Variants in WEE2 observed in about 807,000 individuals in gnomAD.
WEE2 encodes the protein WEE2 oocyte meiosis inhibiting kinase, also known as wee1-like protein kinase 2.
WEE2 carries 50 observed loss-of-function variants against 60.1 expected under a neutral mutation model. That is an observed-to-expected ratio of 0.83 (90% confidence interval 0.66 to 1.05). WEE2 has a LOEUF of 1.05. Among genes scored for constraint, WEE2 ranks in the 50% least tolerant of loss-of-function variants. The probability of loss-of-function intolerance (pLI) is 0.00; values close to 1 mark genes in which losing one functional copy is unlikely to be tolerated. For synonymous variants in WEE2, 240 were observed against 241.0 expected (o/e 1.00, Z 0.04); for missense variants, 631 against 684.3 (o/e 0.92, Z 0.87).
intron 10 of WEE2, 49 bp downstream of exon 10, chr7:141,727,495 A>G: frequency 6.2e-7 from 1 of 1,604,644 alleles, no homozygotes; most frequent in Non-Finnish European, 8.5e-7. Context: ...AGCACTACTC[A>G]CAATGGTATG....
At chr7:141,729,925 T>C (rs1799105607) in intron 11 of WEE2, among the ~76,000 whole-genome samples, 1 of 150,538 alleles carries the variant, frequency 6.6e-6, no homozygotes, top group Non-Finnish European at 1.5e-5. Flanking sequence ...GAGGTGGAGC[T>C]TGCAGTGAGC....
chr7:141,721,579 C>A (rs1184590587), intron 5 of WEE2, among the ~76,000 whole-genome samples: 1 of 152,102 alleles, frequency 6.6e-6, no homozygotes, highest in Admixed American at 6.5e-5. Context: ...CTGCCTCAGT[C>A]TCCCAAGTAG....
chr7:141,708,753 G>A lies in WEE2; in HGVS notation c.-6G>A. ...TTTGTCTGTGTTGTAAAGCTCTTTG[G>A]CTGAGATGGATGACAAAGATATTGA... On this transcript the variant is annotated 5_prime_UTR_variant, in exon 1 of 12. Transcript: ENST00000397541. 1 of 1,610,284 alleles carries A rather than the reference G, an allele frequency of 6.2e-7. No individual in the cohort carries two copies. The highest frequency in any genetic ancestry group is 2.2e-5 in the East Asian group (1 of 44,880).
In WEE2 at chr7:141,714,195, T is replaced by C. The variant is rs762934536; in HGVS notation, c.343-14T>C. 12 of 1,589,058 alleles carry C rather than the reference T, an allele frequency of 7.6e-6. No individual in the cohort carries two copies. Among genetic ancestry groups the C allele is most frequent in the Non-Finnish European group, 1.0e-5 (12 of 1,172,030 alleles). ...TAATGCTATTATGACTTGCCTTTTG[T>C]CATCCTCATTCAGACCATGCTGAGC... On this transcript the variant is annotated splice_polypyrimidine_tract_variant and intron_variant, in intron 1 of 11. Transcript: ENST00000397541.
Position 141,722,718 on chromosome 7 carries a change from C to T in WEE2, c.881-416C>T, listed in dbSNP as rs564852415. ...ATCATTGACACCAATAGTAGCTATACGACTATGCCTGATTGATCTTCTAGT... is the reference window on the plus strand; with the variant it reads ...ATCATTGACACCAATAGTAGCTATATGACTATGCCTGATTGATCTTCTAGT... On this transcript the variant is annotated intron_variant, in intron 5 of 11. Coordinates refer to ENST00000397541, the MANE Select transcript of WEE2 (RefSeq NM_001105558.1). 7.2e-5 allele frequency among the ~76,000 whole-genome samples: 11 copies of T among 152,274 alleles called. No homozygotes were observed. The East Asian group carries it at 9.7e-4, about 13-fold the overall frequency.
At position 141,708,727 on chromosome 7, in the gene WEE2, T is replaced by G. The variant is rs771638429; in HGVS notation, c.-32T>G. The G allele has an allele frequency of 6.3e-7, 1 of 1,580,098 alleles. No homozygotes were observed. Among genetic ancestry groups the G allele is most frequent in the Non-Finnish European group, 8.6e-7 (1 of 1,157,804 alleles). ...CACAGCGTTCCCTTCTGATAGAGCT[T>G]TTTGTCTGTGTTGTAAAGCTCTTTG... On this transcript the variant is annotated 5_prime_UTR_variant, in exon 1 of 12. Coordinates refer to ENST00000397541, the MANE Select transcript of WEE2 (RefSeq NM_001105558.1).
intron 4 of WEE2, among the ~76,000 whole-genome samples, 155 bp downstream of exon 4, chr7:141,719,399 T>C (rs1440803368): frequency 6.6e-6 from 1 of 152,260 alleles, no homozygotes; most frequent in African/African-American, 2.4e-5. Context: ...ATAACCTTTC[T>C]GAGTTTTCCA....
intron 5 of WEE2, 141 bp downstream of exon 5, chr7:141,721,197 G>C: frequency 1.0e-6 from 1 of 964,462 alleles, no homozygotes; most frequent in East Asian, 2.6e-5. Flanking sequence ...TTATAGTCTT[G>C]CTTGGAAGCA....
intron 10 of WEE2, chr7:141,728,077 G>A (rs1202265768): frequency 1.3e-5 from 2 of 152,190 alleles, no homozygotes; most frequent in Non-Finnish European, 2.9e-5. Flanking sequence ...TGACCCCTGT[G>A]ATATTCCCAA....
At chr7:141,729,913 G>C (rs1332463771) in intron 11 of WEE2, among the ~76,000 whole-genome samples, 3 of 151,384 alleles carry the variant, frequency 2.0e-5, no homozygotes, top group Non-Finnish European at 1.5e-5. Context: ...GCTTGAACCC[G>C]GGAGGTGGAG....
chr7:141,727,737 C>A, intron 10 of WEE2: 1 of 345,242 alleles, frequency 2.9e-6, no homozygotes. Context: ...TTCTAAGTGA[C>A]AGCAGGTATC....
Position 141,727,318 on chromosome 7 carries a change from T to C in WEE2, c.1407T>C (p.Pro469=), listed in dbSNP as rs1350380043. The change falls in exon 10 of 12, where the codon CCT becomes CCC. Residue 469 remains proline (P), a synonymous_variant. Coordinates refer to ENST00000397541, the MANE Select transcript of WEE2 (RefSeq NM_001105558.1). ...FSSLLKNMIQ[P]DAEQRPSAAA... Reference sequence around the variant, plus strand: ...TATATCATCAGAACATGATCCAACCTGATGCCGAACAGAGACCTTCTGCAG... The same window carrying C: ...TATATCATCAGAACATGATCCAACCCGATGCCGAACAGAGACCTTCTGCAG... The C allele has an allele frequency of 6.2e-7, 1 of 1,613,988 alleles. No homozygotes were observed. The highest frequency in any genetic ancestry group is 8.5e-7 in the Non-Finnish European group (1 of 1,179,998).
rs1798658285 is a variant in WEE2, at chr7:141,708,643, A to G, written c.-116A>G. The stretch of plus-strand genomic sequence containing the variant: ...GCTGTTAGTTGGTAGAGGGAAATTC[A>G]GGCTACCGTCGCGAAACCTGCAGGT... On this transcript the variant is annotated 5_prime_UTR_variant, in exon 1 of 12. Transcript: ENST00000397541. The G allele has an allele frequency of 3.6e-6, 3 of 838,446 alleles. No homozygotes were observed. Among genetic ancestry groups the G allele is most frequent in the Non-Finnish European group, 3.8e-6 (2 of 526,776 alleles). The allele number at this position is 838,446 out of a possible 1,614,324, so 51.9% of individuals were successfully genotyped here. A position where few individuals can be genotyped will look rare whatever the true frequency, so the allele number is the denominator to read the frequency against.
Position 141,727,574 on chromosome 7 carries a change from T to C in WEE2, c.1535+128T>C, listed in dbSNP as rs1181996382. ...TTCACCATTATAATACATAGGTCCC[T>C]GCCCACAAGGAAACTGGCAGCATGC... On this transcript the variant is annotated intron_variant, in intron 10 of 11. Transcript: ENST00000397541. 6 of 1,223,098 alleles carry C rather than the reference T, an allele frequency of 4.9e-6. No homozygotes were observed. In the African/African-American group the frequency reaches 9.1e-5, roughly 19 times the overall value. 75.8% of individuals were successfully genotyped at this position (1,223,098 alleles called of 1,614,324 possible).
In WEE2 at chr7:141,708,771, G is replaced by C; in HGVS notation, c.13G>C (p.Asp5His). Residue 5 changes from aspartate to histidine, a missense_variant, in exon 1 of 12, where the codon GAT becomes CAT. Coordinates refer to ENST00000397541, the MANE Select transcript of WEE2 (RefSeq NM_001105558.1). Reference protein sequence around the residue: MDDKDIDKELRQKLN... With the variant: MDDKHIDKELRQKLN... ...CTCTTTGGCTGAGATGGATGACAAA[G>C]ATATTGACAAAGAACTAAGGCAGAA... 1 of 1,613,602 alleles carries C rather than the reference G, an allele frequency of 6.2e-7. No individual in the cohort carries two copies.
In WEE2 at chr7:141,730,302, G is replaced by T. The variant is rs187805374; in HGVS notation, c.1686G>T (p.Glu562Asp). The change falls in exon 12 of 12, where the codon GAG (glutamate) becomes GAT (aspartate). Residue 562 changes from glutamate to aspartate, a missense_variant. By Grantham distance (45) the Glu-to-Asp change is conservative (BLOSUM62 2). Coordinates refer to ENST00000397541, the MANE Select transcript of WEE2 (RefSeq NM_001105558.1). Reference sequence around the variant, plus strand: ...CACACTTTTGATGAACAGCAGGAGAGCGTGAGCCTCTGCATTAAAGGAAGA... The same window carrying T: ...CACACTTTTGATGAACAGCAGGAGATCGTGAGCCTCTGCATTAAAGGAAGA... ...SARSSSFTSG[E>D]REPLH is the part of the protein sequence containing the mutation. 1.2e-6 allele frequency: 2 copies of T among 1,613,488 alleles called. No homozygotes were observed. Among genetic ancestry groups the T allele is most frequent in the East Asian group, 4.5e-5 (2 of 44,854 alleles).
At chr7:141,720,744 A>G (rs1384868547) in intron 4 of WEE2, 191 bp from the exon 5 acceptor site, 7 of 682,432 alleles carry the variant, frequency 1.0e-5, no homozygotes, top group African/African-American at 9.1e-5. Context: ...CTTACTTTCA[A>G]CAGCCTTCAT....
chr7:141,715,092 C>G (rs1209885997), intron 2 of WEE2, among the ~76,000 whole-genome samples: 1 of 152,168 alleles, frequency 6.6e-6, no homozygotes, highest in Non-Finnish European at 1.5e-5. Flanking sequence ...GTAAACTTTG[C>G]AGAGCATTTA....
At chr7:141,716,614 G>A (rs1798801926) in intron 3 of WEE2, among the ~76,000 whole-genome samples, 1 of 151,884 alleles carries the variant, frequency 6.6e-6, no homozygotes, top group Non-Finnish European at 1.5e-5. Context: ...GTCAGGGTCT[G>A]TGTTCTCAGC....
Sources: gnomAD v4.1 joint callset for allele counts (sites outside exome capture counted in the v4.1 genomes callset) on GRCh38, gnomAD v4.1.1 for gene constraint, MANE v1.5 for transcripts, NCBI Gene and HGNC (gene_info 2026-07-23, HGNC 2026-07-21) for gene names.